Variants in ITGA1 observed in about 807,000 individuals in gnomAD.
ITGA1 encodes the protein integrin alpha-1.
Under a neutral mutation model 145.9 loss-of-function variants are expected in ITGA1, and 85 were observed. The ratio of observed to expected loss-of-function variants is 0.58; its 90% CI spans 0.49 to 0.70. The LOEUF is 0.70. Ranked by LOEUF, ITGA1 falls within the 30% of genes least tolerant of loss-of-function variation. The pLI is 0.00. For missense variants in ITGA1, 1,351 were observed against 1,418.7 expected, an observed-to-expected ratio of 0.95 and a Z score of 0.77; for synonymous variants, 520 against 495.3, an observed-to-expected ratio of 1.05 and a Z score of -0.66.
intron 2 of ITGA1, among the ~76,000 whole-genome samples, chr5:52,859,132 A>C (rs1199603618): frequency 6.6e-6 from 1 of 152,158 alleles, no homozygotes; most frequent in Non-Finnish European, 1.5e-5. Flanking sequence ...CAGTGGTAGT[A>C]TAATGAACAT....
intron 7 of ITGA1, 62 bp downstream of exon 7, chr5:52,882,083 C>G: frequency 7.3e-7 from 1 of 1,368,934 alleles, no homozygotes; most frequent in Non-Finnish European, 9.7e-7. Context: ...CATGATTTAG[C>G]CTTTTGGCAT....
chr5:52,861,869 CA>C (rs11335171), intron 3 of ITGA1, among the ~76,000 whole-genome samples: 39,072 of 119,224 alleles, frequency 0.33, 6,116 homozygotes, highest in South Asian at 0.47. Context: ...GACCCTGTCT[CA>C]AAAAAAAAAA....
At position 52,897,679 on chromosome 5, in the gene ITGA1, G is replaced by A. The variant is rs1375377285; in HGVS notation, c.1164+151G>A. The A allele has an allele frequency of 2.3e-5, 14 of 613,926 alleles. No individual in the cohort carries two copies. In the East Asian group the frequency reaches 3.6e-4, roughly 16 times the overall value. The allele number at this position is 613,926 out of a possible 1,614,324, so 38.0% of individuals were successfully genotyped here. Reference sequence around the variant, plus strand: ...TGATGATGTTTTCTAATTCAAATAGGAAAATATCATTTCACAAGCTTCTTA... The same window carrying A: ...TGATGATGTTTTCTAATTCAAATAGAAAAATATCATTTCACAAGCTTCTTA... On this transcript the variant is annotated intron_variant, in intron 10 of 28. Transcript: ENST00000282588.
chr5:52,865,658 C>G, intron 5 of ITGA1, 32 bp from the exon 6 acceptor site: 1 of 1,414,082 alleles, frequency 7.1e-7, no homozygotes, highest in Non-Finnish European at 9.2e-7. Context: ...AAAATAGATT[C>G]CAAATTTGAC....
chr5:52,936,378 A>T (rs1750965139), intron 23 of ITGA1, among the ~76,000 whole-genome samples: 1 of 152,216 alleles, frequency 6.6e-6, no homozygotes, highest in Non-Finnish European at 1.5e-5. Context: ...GCAGCTGGTC[A>T]GGAACCTCCA....
chr5:52,909,161 T>G, intron 13 of ITGA1, 120 bp downstream of exon 13: 2 of 997,326 alleles, frequency 2.0e-6, no homozygotes, highest in Non-Finnish European at 2.9e-6. Flanking sequence ...CTATCAGGAT[T>G]CATTCACTCC....
chr5:52,898,865 C>T (rs1450975803), intron 11 of ITGA1, among the ~76,000 whole-genome samples: 2 of 152,120 alleles, frequency 1.3e-5, no homozygotes, highest in Non-Finnish European at 2.9e-5. Context: ...TTAATAGCTC[C>T]ATTCACAATC....
intron 6 of ITGA1, among the ~76,000 whole-genome samples, chr5:52,875,169 C>A (rs1473073187): frequency 1.3e-5 from 2 of 151,976 alleles, no homozygotes; most frequent in African/African-American, 4.8e-5. Flanking sequence ...GGGGAGGAGT[C>A]TGCCGTAAAG....
chr5:52,895,008 T>C (rs979393373), intron 9 of ITGA1, among the ~76,000 whole-genome samples: 1 of 152,106 alleles, frequency 6.6e-6, no homozygotes, highest in Non-Finnish European at 1.5e-5. Context: ...AATATATACA[T>C]ATAAAAATAA....
chr5:52,820,322 A>G (rs908397971), intron 1 of ITGA1, among the ~76,000 whole-genome samples: 6 of 132,008 alleles, frequency 4.5e-5, no homozygotes, highest in African/African-American at 1.7e-4. Context: ...GAATTAAACA[A>G]TGAGAACACT....
chr5:52,937,337 A>T, intron 23 of ITGA1, 64 bp from the exon 24 acceptor site: 1 of 1,080,580 alleles, frequency 9.3e-7, no homozygotes, highest in Non-Finnish European at 1.4e-6. Flanking sequence ...ACAAAGCCCT[A>T]CATAAGACAG....
intron 8 of ITGA1, among the ~76,000 whole-genome samples, chr5:52,892,212 A>G (rs1222567634): frequency 1.3e-5 from 2 of 152,210 alleles, no homozygotes; most frequent in African/African-American, 4.8e-5. Context: ...AAGAAATACT[A>G]TAGCAAATAA....
intron 2 of ITGA1, 125 bp from the exon 3 acceptor site, chr5:52,861,322 C>T: frequency 1.6e-6 from 1 of 641,412 alleles, no homozygotes; most frequent in Non-Finnish European, 2.8e-6. Context: ...CATTAAATTA[C>T]TAATAGCATG....
intron 1 of ITGA1, among the ~76,000 whole-genome samples, chr5:52,810,107 CT>C (rs1748662693): frequency 6.6e-6 from 1 of 152,186 alleles, no homozygotes; most frequent in African/African-American, 2.4e-5. Context: ...AGCTTAGCTT[CT>C]TTCGTTTTTA....
At chr5:52,894,904 G>A (rs539360830) in intron 9 of ITGA1, among the ~76,000 whole-genome samples, 1 of 152,210 alleles carries the variant, frequency 6.6e-6, no homozygotes, top group Non-Finnish European at 1.5e-5. Context: ...TGTACAGAAA[G>A]GAAAGATAAT....
intron 7 of ITGA1, among the ~76,000 whole-genome samples, chr5:52,886,840 G>A (rs1036167259): frequency 1.9e-4 from 29 of 152,074 alleles, no homozygotes; most frequent in African/African-American, 7.0e-4. Context: ...ATGCAGTGGC[G>A]CGATCTTGGC....
At chr5:52,805,397 A>T (rs769887563) in intron 1 of ITGA1, among the ~76,000 whole-genome samples, 6 of 152,120 alleles carry the variant, frequency 3.9e-5, no homozygotes, top group Non-Finnish European at 5.9e-5. Context: ...AAGATATGAG[A>T]GAAAAATGAT....
intron 1 of ITGA1, among the ~76,000 whole-genome samples, chr5:52,845,565 G>C (rs1446444703): frequency 2.0e-5 from 3 of 152,162 alleles, no homozygotes; most frequent in Admixed American, 2.0e-4. Context: ...ATAATTGGTG[G>C]TGATGTTCTT....
chr5:52,808,073 T>G (rs975611138), intron 1 of ITGA1, among the ~76,000 whole-genome samples: 3 of 151,956 alleles, frequency 2.0e-5, no homozygotes, highest in Admixed American at 2.0e-4. Context: ...TGAAACACTG[T>G]CAAAAGAAAA....
Sources: allele counts gnomAD v4.1 joint callset (sites outside exome capture counted in the v4.1 genomes callset), GRCh38; gene constraint gnomAD v4.1.1; transcripts MANE v1.5; gene names NCBI Gene and HGNC (gene_info 2026-07-23, HGNC 2026-07-21).